UBR4: variants seen among roughly 807,000 people sequenced by gnomAD.
UBR4 encodes the protein E3 ubiquitin-protein ligase UBR4.
In UBR4, 124 loss-of-function variants were observed where a neutral mutation model predicts 575.6. The observed-to-expected ratio is 0.22, with a 90% CI of 0.19 to 0.25. The LOEUF is 0.25. Ranked by LOEUF, UBR4 falls within the 10% of genes least tolerant of loss-of-function variation. The pLI is 1.00. For missense variants in UBR4, 4,818 were observed against 6,478.8 expected, an observed-to-expected ratio of 0.74 and a Z score of 8.80; for synonymous variants, 2,455 against 2,473.7, an observed-to-expected ratio of 0.99 and a Z score of 0.22.
At chr1:19,155,740 CA>C (rs1553189591) in intron 42 of UBR4, 72 bp from the exon 43 acceptor site, 1 of 1,348,452 alleles carries the variant, frequency 7.4e-7, no homozygotes, top group Non-Finnish European at 1.1e-6. Flanking sequence ...TTAGTGAATC[CA>C]AATAGCCGGA....
chr1:19,199,351 G>C (rs1310114843), intron 3 of UBR4, among the ~76,000 whole-genome samples: 1 of 152,136 alleles, frequency 6.6e-6, no homozygotes, highest in East Asian at 1.9e-4. Context: ...TGCAATCCTT[G>C]AGAAGACTCT....
rs1355935071 is a variant in UBR4, at chr1:19,197,946, C to G, written c.751+1G>C. 6.2e-7 allele frequency: 1 copy of G among 1,614,082 alleles called. No homozygotes were observed. The highest frequency in any genetic ancestry group is 1.7e-5 in the Admixed American group (1 of 60,016). On this transcript the variant is annotated splice_donor_variant, in intron 6 of 105. Coordinates refer to ENST00000375254, the MANE Select transcript of UBR4 (RefSeq NM_020765.3). LOFTEE classifies it high-confidence loss of function. The stretch of plus-strand genomic sequence containing the variant: ...TTTCTGATAACAGTTGGGAGTCTTA[C>G]CAAGCTCTTGAAGACTAGCCACGTT...
chr1:19,124,471 A>C, intron 65 of UBR4, 70 bp downstream of exon 65: 2 of 1,570,584 alleles, frequency 1.3e-6, no homozygotes, highest in Non-Finnish European at 1.7e-6. Context: ...TGAGGAAGAA[A>C]GGGGCCCACA....
chr1:19,112,878 A>C lies in UBR4; in HGVS notation c.11458-11T>G. On this transcript the variant is annotated splice_polypyrimidine_tract_variant and intron_variant, in intron 77 of 105. Coordinates refer to ENST00000375254, the MANE Select transcript of UBR4 (RefSeq NM_020765.3). ...CGAAGCAAAGACTTTCTAAGAACAA[A>C]AAGGCAACAATAATGGGAATTAGCA... The C allele has an allele frequency of 6.5e-7, 1 of 1,550,098 alleles. No homozygotes were observed. Among genetic ancestry groups the C allele is most frequent in the Non-Finnish European group, 8.7e-7 (1 of 1,146,196 alleles).
intron 22 of UBR4, 37 bp from the exon 23 acceptor site, chr1:19,173,658 G>A (rs957720676): frequency 3.1e-6 from 5 of 1,601,132 alleles, no homozygotes; most frequent in Non-Finnish European, 4.3e-6. Flanking sequence ...GTAGCACTTG[G>A]TATGGCCTCA....
Position 19,088,462 on chromosome 1 carries a change from T to C in UBR4, c.14430+297A>G, listed in dbSNP as rs753065340. Reference sequence around the variant, plus strand: ...TCAGTTACTTCATCTGGAAAATGGGTATAACAATATCAACCTCCTAGAACT... The same window carrying C: ...TCAGTTACTTCATCTGGAAAATGGGCATAACAATATCAACCTCCTAGAACT... On this transcript the variant is annotated intron_variant, in intron 98 of 105. Coordinates refer to ENST00000375254, the MANE Select transcript of UBR4 (RefSeq NM_020765.3). The surrounding 1 kb of genome is among the most constrained non-coding windows in gnomAD (Gnocchi z 4.0). Among the ~76,000 whole-genome samples, 1 of 152,182 alleles carries C rather than the reference T, an allele frequency of 6.6e-6. No homozygotes were observed. Among genetic ancestry groups the C allele is most frequent in the African/African-American group, 2.4e-5 (1 of 41,436 alleles).
Position 19,177,518 on chromosome 1 carries a change from G to T in UBR4, c.2580C>A (p.Leu860=). Residue 860 remains leucine, a synonymous_variant, in exon 19 of 106, where the codon CTC becomes CTA. Transcript: ENST00000375254. Reference sequence around the variant, plus strand: ...ACTGATGAAGCAGATAATCAAAGATGAGAAGGAGGCGAGCCAAGATAAGCG... The same window carrying T: ...ACTGATGAAGCAGATAATCAAAGATTAGAAGGAGGCGAGCCAAGATAAGCG... ...FVPLILARLL[L]IFDYLLHQYS... 6.2e-7 allele frequency: 1 copy of T among 1,614,152 alleles called. No homozygotes were observed. The highest frequency in any genetic ancestry group is 8.5e-7 in the Non-Finnish European group (1 of 1,180,022).
At chr1:19,166,688 C>T (rs1296778762) in intron 29 of UBR4, among the ~76,000 whole-genome samples, 1 of 116,628 alleles carries the variant, frequency 8.6e-6, no homozygotes, top group African/African-American at 3.4e-5. Flanking sequence ...GACCAGCCTA[C>T]ACAACATGGC....
intron 102 of UBR4, chr1:19,082,018 ACT>A: frequency 1.8e-6 from 1 of 541,834 alleles, no homozygotes; most frequent in Non-Finnish European, 3.3e-6. Context: ...CCACAGCCTG[ACT>A]CCCCCTTGCT....
chr1:19,190,786 C>T (rs555672007), intron 11 of UBR4, among the ~76,000 whole-genome samples: 2 of 152,242 alleles, frequency 1.3e-5, no homozygotes, highest in South Asian at 4.1e-4. Flanking sequence ...ATCCAAGTCA[C>T]CTTCATATCT....
At chr1:19,194,300 C>T (rs1211942714) in intron 8 of UBR4, among the ~76,000 whole-genome samples, 2 of 152,192 alleles carry the variant, frequency 1.3e-5, no homozygotes, top group East Asian at 1.9e-4. Flanking sequence ...GGAGGATATG[C>T]GAACTCTATG....
intron 11 of UBR4, among the ~76,000 whole-genome samples, chr1:19,189,136 A>T (rs1245156275): frequency 6.6e-6 from 1 of 152,218 alleles, no homozygotes; most frequent in African/African-American, 2.4e-5. Flanking sequence ...GAAATATCAT[A>T]GCATTCTCTC....
chr1:19,082,849 G>A (rs1382907735), intron 102 of UBR4, among the ~76,000 whole-genome samples: 1 of 152,150 alleles, frequency 6.6e-6, no homozygotes, highest in Non-Finnish European at 1.5e-5. Context: ...TCTGGCTTAC[G>A]GTGGCCATGC....
intron 4 of UBR4, 58 bp downstream of exon 4, chr1:19,198,741 C>G: frequency 6.2e-7 from 1 of 1,612,372 alleles, no homozygotes; most frequent in South Asian, 1.1e-5. Context: ...GCAAAGGTGC[C>G]ATGGAAAAGG....
Position 19,141,407 on chromosome 1 carries a change from C to A in UBR4, c.8428G>T (p.Ala2810Ser), listed in dbSNP as rs1040216684. The change falls in exon 57 of 106, where the codon GCA (alanine) becomes TCA (serine). Residue 2810 changes from alanine to serine, a missense_variant. Ala to Ser is a moderately conservative substitution (Grantham distance 99, BLOSUM62 1). This residue lies in a region of UBR4 where 129 missense variants were observed against 198.4 expected (regional missense o/e 0.65). Coordinates refer to ENST00000375254, the MANE Select transcript of UBR4 (RefSeq NM_020765.3). ...FPPMLDIPPD[A>S]DDETMVELAI... ...AGTTCAACCATGGTCTCGTCATCTGCATCAGGTGGGATGTCCAGCATGGGG... is the reference window on the plus strand; with the variant it reads ...AGTTCAACCATGGTCTCGTCATCTGAATCAGGTGGGATGTCCAGCATGGGG... 1 of 1,614,148 alleles carries A rather than the reference C, an allele frequency of 6.2e-7. No individual in the cohort carries two copies. Among genetic ancestry groups the A allele is most frequent in the African/African-American group, 1.3e-5 (1 of 74,956 alleles).
rs1198084748 is a variant in UBR4 at position 19,110,444 on chromosome 1, T to C, written c.11913A>G (p.Glu3971=). 1 of 1,614,072 alleles carries C rather than the reference T, an allele frequency of 6.2e-7. No homozygotes were observed. The highest frequency in any genetic ancestry group is 1.7e-5 in the Admixed American group (1 of 60,026). ...AGATAGAATCCGTCAGCAGCAGCAT[T>C]TCATACTGCAGGCTACTTGCCTAGA... The part of the protein sequence containing the change: ...NPDLASSLQY[E]MLLLTDSISK... Residue 3971 remains glutamate, a synonymous_variant, in exon 80 of 106, where the codon GAA becomes GAG. Coordinates refer to ENST00000375254, the MANE Select transcript of UBR4 (RefSeq NM_020765.3). The surrounding 1 kb of genome is among the most constrained non-coding windows in gnomAD (Gnocchi z 4.5).
rs1161099210 is a variant in UBR4, at chr1:19,162,038, T to C, written c.4957-141A>G. 54 of 964,418 alleles carry C rather than the reference T, an allele frequency of 5.6e-5. No homozygotes were observed. The South Asian group carries it at 7.5e-4, about 13-fold the overall frequency. The allele number at this position is 964,418 out of a possible 1,614,324, so 59.7% of individuals were successfully genotyped here. A position where few individuals can be genotyped will look rare whatever the true frequency, so the allele number is the denominator to read the frequency against. On this transcript the variant is annotated intron_variant, in intron 35 of 105. Transcript: ENST00000375254. ...CGTGGAAATCTACCACAACTGGAAA[T>C]AGCTAGCTGGCTGAAAATCTGTTGT...
Position 19,094,842 on chromosome 1 carries a change from TTG to T in UBR4, c.13746+62_13746+63del, listed in dbSNP as rs971572510. The T allele has an allele frequency of 4.4e-6, 7 of 1,594,672 alleles. No individual in the cohort carries two copies. The African/African-American group carries it at 8.1e-5, about 18-fold the overall frequency. On this transcript the variant is annotated intron_variant, in intron 94 of 105. Coordinates refer to ENST00000375254, the MANE Select transcript of UBR4 (RefSeq NM_020765.3). Reference sequence around the variant, plus strand: ...GCTAAGCCAGACACAAACAGGCCTGTTGTGGGCAATGAGACAGTGCAGGCTCT... The same window carrying T: ...GCTAAGCCAGACACAAACAGGCCTGTTGGGCAATGAGACAGTGCAGGCTCT...
chr1:19,141,408 A>C lies in UBR4; in HGVS notation c.8427T>G (p.Asp2809Glu). 1 of 1,614,242 alleles carries C rather than the reference A, an allele frequency of 6.2e-7. No individual in the cohort carries two copies. Residue 2809 changes from aspartate to glutamate, a missense_variant, in exon 57 of 106, where the codon GAT (aspartate) becomes GAG (glutamate). Asp to Glu is a conservative substitution (Grantham distance 45). Coordinates refer to ENST00000375254, the MANE Select transcript of UBR4 (RefSeq NM_020765.3). ...GTTCAACCATGGTCTCGTCATCTGCATCAGGTGGGATGTCCAGCATGGGGG... is the reference window on the plus strand; with the variant it reads ...GTTCAACCATGGTCTCGTCATCTGCCTCAGGTGGGATGTCCAGCATGGGGG... Reference protein sequence around the residue: ...GFPPMLDIPPDADDETMVELA... With the variant: ...GFPPMLDIPPEADDETMVELA...
Sources: allele counts gnomAD v4.1 joint callset (sites outside exome capture counted in the v4.1 genomes callset), GRCh38; gene constraint gnomAD v4.1.1; regional missense constraint gnomAD v4.1.1; non-coding constraint Gnocchi (gnomAD v3.1); transcripts MANE v1.5; gene names NCBI Gene and HGNC (gene_info 2026-07-23, HGNC 2026-07-21).